KLHDC1: variants seen among roughly 807,000 people sequenced by gnomAD.
The protein encoded by KLHDC1 is kelch domain-containing protein 1.
KLHDC1 carries 53 observed loss-of-function variants against 68.3 expected under a neutral mutation model. That is an observed-to-expected ratio of 0.78 (90% CI 0.62 to 0.98). KLHDC1 has a LOEUF of 0.98. Among genes scored for constraint, KLHDC1 ranks in the 50% least tolerant of loss-of-function variants. KLHDC1 has a pLI of 0.00. For synonymous variants in KLHDC1, 148 were observed against 159.0 expected (o/e 0.93, Z 0.52); for missense variants, 470 against 492.3 (o/e 0.95, Z 0.43).
intron 12 of KLHDC1, among the ~76,000 whole-genome samples, chr14:49,751,331 A>G (rs141005024): frequency 6.6e-6 from 1 of 152,292 alleles, no homozygotes; most frequent in East Asian, 1.9e-4. Flanking sequence ...AACTATAACA[A>G]AGGATAAATG....
rs138748493 is a variant in KLHDC1, at chr14:49,749,633, A to C, written c.1035-1953A>C. ...GCAGAGGCTGCAGTAAGCCGAGATC[A>C]CATTACTACACTCCAGCCTGCGCAA... On this transcript the variant is annotated intron_variant, in intron 12 of 12. Coordinates refer to ENST00000359332, the MANE Select transcript of KLHDC1 (RefSeq NM_172193.3). Among the ~76,000 whole-genome samples the C allele has an allele frequency of 2.3e-4, 35 of 150,986 alleles. No homozygotes were observed. The East Asian group carries it at 5.5e-3, about 24-fold the overall frequency.
chr14:49,746,832 C>T (rs989521281), intron 12 of KLHDC1, among the ~76,000 whole-genome samples: 1 of 152,150 alleles, frequency 6.6e-6, no homozygotes, highest in Admixed American at 6.5e-5. Context: ...AAACTCCCAT[C>T]CTCCTCTTGG....
At chr14:49,705,097 C>CA (rs1462818701) in intron 1 of KLHDC1, among the ~76,000 whole-genome samples, 1 of 151,594 alleles carries the variant, frequency 6.6e-6, no homozygotes, top group Admixed American at 6.6e-5. Flanking sequence ...AGCTGATTCC[C>CA]AAAAAAGGAG....
At chr14:49,747,747 G>A (rs1017299355) in intron 12 of KLHDC1, among the ~76,000 whole-genome samples, 8 of 152,138 alleles carry the variant, frequency 5.3e-5, no homozygotes, top group African/African-American at 1.9e-4. Context: ...CTGTCTGCGG[G>A]ATATATAACA....
At chr14:49,751,195 A>G (rs1217663181) in intron 12 of KLHDC1, 2 of 152,482 alleles carry the variant, frequency 1.3e-5, no homozygotes, top group Admixed American at 6.5e-5. Context: ...TTTAGTCTCT[A>G]TGCTATAAAA....
chr14:49,737,082 G>A (rs147365168), intron 10 of KLHDC1, among the ~76,000 whole-genome samples: 2 of 152,186 alleles, frequency 1.3e-5, no homozygotes, highest in East Asian at 3.8e-4. Context: ...TGGATCTCGT[G>A]AGTATCGCCA....
intron 1 of KLHDC1, among the ~76,000 whole-genome samples, chr14:49,699,618 TACAA>T (rs1887844456): frequency 2.0e-5 from 3 of 152,206 alleles, no homozygotes; most frequent in South Asian, 2.1e-4. Context: ...TCTTCATTGA[TACAA>T]ACAATGTATT....
intron 1 of KLHDC1, among the ~76,000 whole-genome samples, chr14:49,701,445 A>G (rs902080756): frequency 2.6e-5 from 4 of 152,154 alleles, no homozygotes; most frequent in Admixed American, 6.5e-5. Context: ...GGATCAACTG[A>G]CATTGGGAGT....
chr14:49,725,509 G>C (rs1888646036), intron 5 of KLHDC1, 177 bp from the exon 6 acceptor site: 2 of 501,220 alleles, frequency 4.0e-6, no homozygotes, highest in Non-Finnish European at 7.1e-6. Flanking sequence ...TGCTGCTACT[G>C]GTCTGGGGAC....
chr14:49,713,682 T>G (rs1298041644), intron 4 of KLHDC1, among the ~76,000 whole-genome samples: 1 of 150,454 alleles, frequency 6.6e-6, no homozygotes, highest in Non-Finnish European at 1.5e-5. Flanking sequence ...GGCCAGAAGT[T>G]TGAGACCAGC....
chr14:49,728,729 G>A (rs887607719), intron 6 of KLHDC1, among the ~76,000 whole-genome samples, 197 bp from the exon 7 acceptor site: 3 of 152,196 alleles, frequency 2.0e-5, no homozygotes, highest in Non-Finnish European at 4.4e-5. Flanking sequence ...AGATCAGGGA[G>A]AATAAAATGT....
At chr14:49,704,800 A>T (rs1888005541) in intron 1 of KLHDC1, among the ~76,000 whole-genome samples, 2 of 152,110 alleles carry the variant, frequency 1.3e-5, no homozygotes, top group South Asian at 4.1e-4. Flanking sequence ...TATTAATAGG[A>T]ATAATCCAGT....
chr14:49,727,625 C>A (rs1437093195), intron 6 of KLHDC1, among the ~76,000 whole-genome samples: 1 of 152,134 alleles, frequency 6.6e-6, no homozygotes, highest in Non-Finnish European at 1.5e-5. Flanking sequence ...CTCTTCTATT[C>A]TCTTCTATAT....
intron 4 of KLHDC1, among the ~76,000 whole-genome samples, chr14:49,711,904 C>CTT (rs1888211658): frequency 1.1e-5 from 1 of 89,096 alleles, no homozygotes; most frequent in Admixed American, 1.1e-4. Flanking sequence ...TTTCTTTTTT[C>CTT]TTTTTCTTTT....
rs576618470 is a variant in KLHDC1 at position 49,741,463 on chromosome 14, G to A, written c.981+1281G>A. ...TGGGATTACAGGCGTGTGCCACAAC[G>A]CCCGGCTAATTTTTTGTATTTTTAG... On this transcript the variant is annotated intron_variant, in intron 11 of 12. Coordinates refer to ENST00000359332, the MANE Select transcript of KLHDC1 (RefSeq NM_172193.3). Among the ~76,000 whole-genome samples the A allele has an allele frequency of 2.6e-5, 4 of 151,752 alleles. No homozygotes were observed. The South Asian group carries it at 6.3e-4, about 24-fold the overall frequency.
chr14:49,718,951 G>C (rs1888456283), intron 4 of KLHDC1, among the ~76,000 whole-genome samples: 1 of 149,820 alleles, frequency 6.7e-6, no homozygotes, highest in Admixed American at 6.6e-5. Flanking sequence ...TAATTTTTTT[G>C]TATTTTTAGT....
intron 1 of KLHDC1, among the ~76,000 whole-genome samples, chr14:49,700,681 G>C (rs1447408523): frequency 6.6e-6 from 1 of 152,204 alleles, no homozygotes; most frequent in African/African-American, 2.4e-5. Flanking sequence ...TGTTTGAAAA[G>C]AATGAAGGTG....
chr14:49,749,527 A>G (rs1889276692), intron 12 of KLHDC1, among the ~76,000 whole-genome samples: 1 of 151,790 alleles, frequency 6.6e-6, no homozygotes, highest in African/African-American at 2.4e-5. Flanking sequence ...AATACAAAAA[A>G]ATTAGCTGGG....
chr14:49,736,430 G>A (rs1215714590), intron 10 of KLHDC1, among the ~76,000 whole-genome samples: 4 of 152,076 alleles, frequency 2.6e-5, no homozygotes, highest in African/African-American at 7.2e-5. Flanking sequence ...AGTGTTCTTC[G>A]ATGATGAAAT....
Sources: allele counts gnomAD v4.1 joint callset (sites outside exome capture counted in the v4.1 genomes callset), GRCh38; gene constraint gnomAD v4.1.1; transcripts MANE v1.5; gene names NCBI Gene and HGNC (gene_info 2026-07-23, HGNC 2026-07-21).